The following FZD3 variants were observed in gnomAD, a reference collection of about 807,000 sequenced individuals.
FZD3 encodes the protein frizzled-3.
Under a neutral mutation model 60.7 loss-of-function variants are expected in FZD3, and 30 were observed. The observed-to-expected ratio is 0.49, with a 90% CI of 0.37 to 0.67. The LOEUF is 0.67. FZD3 is among the 30% of genes least tolerant of loss of function. The pLI is 0.00. For missense variants in FZD3, 605 were observed against 838.7 expected, an observed-to-expected ratio of 0.72 and a Z score of 3.44; for synonymous variants, 246 against 275.2, an observed-to-expected ratio of 0.89 and a Z score of 1.05.
Position 28,566,169 on chromosome 8 carries a change from T to C in FZD3, c.*3158T>C, listed in dbSNP as rs1805701989. 6.6e-6 allele frequency: 1 copy of C among 152,112 alleles called. No individual in the cohort carries two copies. The highest frequency in any genetic ancestry group is 1.5e-5 in the Non-Finnish European group (1 of 67,988). 9.4% of individuals were successfully genotyped at this position (152,112 alleles called of 1,614,324 possible). On this transcript the variant is annotated 3_prime_UTR_variant, in exon 8 of 8. Coordinates refer to ENST00000240093, the MANE Select transcript of FZD3 (RefSeq NM_017412.4). Reference sequence around the variant, plus strand: ...GTACTGAGTCTCACATCAAAGAAATTTGAAAGATCTATAACCTATGTGAAA... The same window carrying C: ...GTACTGAGTCTCACATCAAAGAAATCTGAAAGATCTATAACCTATGTGAAA...
rs528754036 is a variant in FZD3 at position 28,554,733 on chromosome 8, A to G, written c.1554-1005A>G. Among the ~76,000 whole-genome samples the G allele has an allele frequency of 1.3e-3, 195 of 152,118 alleles. 2 individuals are homozygous for G. The highest frequency in any genetic ancestry group is 1.0e-3 in the Non-Finnish European group (70 of 67,982). ...GGAGAATATATATAAAGTACTCAATAAATACTAGACTTCCTTCAGCCCATC... is the reference window on the plus strand; with the variant it reads ...GGAGAATATATATAAAGTACTCAATGAATACTAGACTTCCTTCAGCCCATC... On this transcript the variant is annotated intron_variant, in intron 6 of 7. Transcript: ENST00000240093.
At chr8:28,498,879 A>G (rs77674172) in intron 1 of FZD3, among the ~76,000 whole-genome samples, 4 of 152,230 alleles carry the variant, frequency 2.6e-5, no homozygotes, top group Admixed American at 6.5e-5. Context: ...ATGTTTATCA[A>G]AAGTTTTTAA....
intron 1 of FZD3, among the ~76,000 whole-genome samples, chr8:28,495,108 ATGT>A (rs1803808612): frequency 6.6e-6 from 1 of 152,242 alleles, no homozygotes; most frequent in African/African-American, 2.4e-5. Flanking sequence ...CTTTCAAGAC[ATGT>A]AAACATCTTC....
chr8:28,556,854 A>G (rs1036106777), intron 7 of FZD3, among the ~76,000 whole-genome samples: 1 of 152,212 alleles, frequency 6.6e-6, no homozygotes, highest in African/African-American at 2.4e-5. Flanking sequence ...GTGGCTAGGG[A>G]GGGGGTTGGT....
Position 28,527,637 on chromosome 8 carries a change from C to T in FZD3, c.877C>T (p.Leu293Phe). The T allele has an allele frequency of 6.2e-7, 1 of 1,613,930 alleles. No individual in the cohort carries two copies. The highest frequency in any genetic ancestry group is 8.5e-7 in the Non-Finnish European group (1 of 1,179,920). The change falls in exon 5 of 8, where the codon CTC becomes TTC. Residue 293 changes from leucine to phenylalanine, a missense_variant. Physicochemically the swap from Leu to Phe is conservative, Grantham distance 22. Transcript: ENST00000240093. This position sits in a 1 kb window ranked among gnomAD's most constrained non-coding sequence, Gnocchi z 5.0. ...NKACTMLFMI[L>F]YFFTMAGSVW... is the part of the protein sequence containing the mutation. ...AGCCTGTACCATGCTTTTTATGATA[C>T]TCTATTTTTTTACTATGGCTGGCAG...
chr8:28,568,919 C>A lies in FZD3; in HGVS notation c.*5908C>A, dbSNP rs1481990960. On this transcript the variant is annotated 3_prime_UTR_variant, in exon 8 of 8. Transcript: ENST00000240093. ...TTATGCTCATTTTATTGGTCACTGT[C>A]ACCAGTTTTTCCCGATAAAGATTAA... The A allele has an allele frequency of 6.6e-6, 1 of 152,094 alleles. No homozygotes were observed. Among genetic ancestry groups the A allele is most frequent in the Non-Finnish European group, 1.5e-5 (1 of 67,964 alleles). 9.4% of individuals were successfully genotyped at this position (152,094 alleles called of 1,614,324 possible).
At chr8:28,495,196 G>C (rs1382575493) in intron 1 of FZD3, among the ~76,000 whole-genome samples, 1 of 152,104 alleles carries the variant, frequency 6.6e-6, no homozygotes. Context: ...TGCTTTTCTT[G>C]GCTTTGTTTT....
At position 28,571,264 on chromosome 8, in the gene FZD3, T is replaced by C. The variant is rs1236294561; in HGVS notation, c.*8253T>C. ...CCCATTCTCCATTTTTAAAAGGAAA[T>C]TAACAAATGTCTTCCTTTATCCCTG... On this transcript the variant is annotated 3_prime_UTR_variant, in exon 8 of 8. Transcript: ENST00000240093. The C allele has an allele frequency of 6.6e-6, 1 of 152,194 alleles. No individual in the cohort carries two copies. The highest frequency in any genetic ancestry group is 1.5e-5 in the Non-Finnish European group (1 of 68,020). 9.4% of individuals were successfully genotyped at this position (152,194 alleles called of 1,614,324 possible).
At chr8:28,498,358 G>C (rs1039744838) in intron 1 of FZD3, among the ~76,000 whole-genome samples, 2 of 150,820 alleles carry the variant, frequency 1.3e-5, no homozygotes, top group South Asian at 2.1e-4. Flanking sequence ...CCAAATGACT[G>C]TTAACTTTTA....
chr8:28,528,523 TG>T (rs2130378419), intron 5 of FZD3, among the ~76,000 whole-genome samples: 1 of 152,286 alleles, frequency 6.6e-6, no homozygotes, highest in South Asian at 2.1e-4. Context: ...GGTTAGAAAT[TG>T]TTTTATTAAT....
At chr8:28,559,279 CA>C (rs1805571950) in intron 7 of FZD3, among the ~76,000 whole-genome samples, 2 of 151,994 alleles carry the variant, frequency 1.3e-5, no homozygotes, top group Admixed American at 6.6e-5. Flanking sequence ...AACAACAGGC[CA>C]AAAACAAGAC....
chr8:28,528,044 T>C lies in FZD3; in HGVS notation c.1284T>C (p.Tyr428=), dbSNP rs759937454. 6.2e-7 allele frequency: 1 copy of C among 1,614,024 alleles called. No individual in the cohort carries two copies. The highest frequency in any genetic ancestry group is 8.5e-7 in the Non-Finnish European group (1 of 1,179,918). Reference sequence around the variant, plus strand: ...GGATCGGTGTTTTCAGCATTCTTTATCTCGTACCACTCTTGGTTGTAATTG... The same window carrying C: ...GGATCGGTGTTTTCAGCATTCTTTACCTCGTACCACTCTTGGTTGTAATTG... ...MIRIGVFSIL[Y]LVPLLVVIGC... The change falls in exon 5 of 8, where the codon TAT becomes TAC. Residue 428 remains tyrosine, a synonymous_variant. Coordinates refer to ENST00000240093, the MANE Select transcript of FZD3 (RefSeq NM_017412.4).
At chr8:28,543,773 A>G (rs13280925) in intron 5 of FZD3, among the ~76,000 whole-genome samples, 81,839 of 151,902 alleles carry the variant, frequency 0.54, 22,655 homozygotes, top group South Asian at 0.64. Context: ...TAACTAATAT[A>G]ATAGATTTTT....
In FZD3 at chr8:28,503,215, C is replaced by G; in HGVS notation, c.189+13C>G. ...TTTGGCAATGGAGGTAAGACTTGATCTATTCTTTGACGTATCTTAGTAAAT... is the reference window on the plus strand; with the variant it reads ...TTTGGCAATGGAGGTAAGACTTGATGTATTCTTTGACGTATCTTAGTAAAT... On this transcript the variant is annotated intron_variant, in intron 3 of 7. Transcript: ENST00000240093. 1 of 1,569,572 alleles carries G rather than the reference C, an allele frequency of 6.4e-7. No individual in the cohort carries two copies. Among genetic ancestry groups the G allele is most frequent in the Admixed American group, 1.7e-5 (1 of 59,606 alleles).
chr8:28,529,797 A>G (rs887773744), intron 5 of FZD3, among the ~76,000 whole-genome samples: 4 of 152,202 alleles, frequency 2.6e-5, no homozygotes. Context: ...AGAACTGCTT[A>G]CTAAAAACTC....
At position 28,565,312 on chromosome 8, in the gene FZD3, C is replaced by T. The variant is rs1805687669; in HGVS notation, c.*2301C>T. ...CTCAAAGCAGGCAGGTCTGAATTCC[C>T]TCATAACCGACAATTAGTAAACATT... On this transcript the variant is annotated 3_prime_UTR_variant, in exon 8 of 8. Transcript: ENST00000240093. 6.6e-6 allele frequency: 1 copy of T among 152,106 alleles called. No homozygotes were observed. Among genetic ancestry groups the T allele is most frequent in the Non-Finnish European group, 1.5e-5 (1 of 68,012 alleles). 9.4% of individuals were successfully genotyped at this position (152,106 alleles called of 1,614,324 possible).
chr8:28,529,913 A>T (rs575354291), intron 5 of FZD3, among the ~76,000 whole-genome samples: 1 of 152,252 alleles, frequency 6.6e-6, no homozygotes, highest in South Asian at 2.1e-4. Flanking sequence ...TAGGATTCTA[A>T]ATTATTATTT....
chr8:28,561,086 C>T lies in FZD3; in HGVS notation c.1788-1712C>T, dbSNP rs78325176. Among the ~76,000 whole-genome samples the T allele has an allele frequency of 4.9e-3, 740 of 152,206 alleles. 28 individuals are homozygous for T. In the East Asian group the frequency reaches 0.093, roughly 19 times the overall value. ...GTTTTTGTTTTTTGAGACAGAGTTT[C>T]GCTCTTGTCACCCAGGCTGGAGTGC... On this transcript the variant is annotated intron_variant, in intron 7 of 7. Coordinates refer to ENST00000240093, the MANE Select transcript of FZD3 (RefSeq NM_017412.4).
In FZD3 at chr8:28,574,005, A is replaced by G. The variant is rs1033470550; in HGVS notation, c.*10994A>G. On this transcript the variant is annotated 3_prime_UTR_variant, in exon 8 of 8. Transcript: ENST00000240093. Reference sequence around the variant, plus strand: ...TATTAAAATTGTTCACTTCCAAATGAGTGGAAAAGTTGCTGTTGTTGGGAT... The same window carrying G: ...TATTAAAATTGTTCACTTCCAAATGGGTGGAAAAGTTGCTGTTGTTGGGAT... The G allele has an allele frequency of 2.6e-5, 4 of 152,110 alleles. No homozygotes were observed. Among genetic ancestry groups the G allele is most frequent in the Non-Finnish European group, 5.9e-5 (4 of 67,990 alleles). 9.4% of individuals were successfully genotyped at this position (152,110 alleles called of 1,614,324 possible). A position where few individuals can be genotyped will look rare whatever the true frequency, so the allele number is the denominator to read the frequency against.
Sources: gnomAD v4.1 joint callset for allele counts (sites outside exome capture counted in the v4.1 genomes callset) on GRCh38, gnomAD v4.1.1 for gene constraint, Gnocchi (gnomAD v3.1) non-coding constraint, MANE v1.5 for transcripts, NCBI Gene and HGNC (gene_info 2026-07-23, HGNC 2026-07-21) for gene names.